KLHL26: variants seen among roughly 807,000 people sequenced by gnomAD.
The protein encoded by KLHL26 is kelch-like protein 26.
KLHL26 carries 4 observed loss-of-function variants against 7.1 expected under a neutral mutation model. That is an observed-to-expected ratio of 0.56 (90% CI 0.28 to 1.28). The LOEUF is 1.28. Ranked by LOEUF, KLHL26 falls within the 50% of genes most tolerant of loss-of-function variation. KLHL26 has a pLI of 0.11. For missense variants in KLHL26, 896 were observed against 924.6 expected (o/e 0.97, Z 0.40); for synonymous variants, 465 against 414.1 (o/e 1.12, Z -1.49).
chr19:18,657,722 G>A (rs1242847157), intron 1 of KLHL26, among the ~76,000 whole-genome samples: 1 of 152,144 alleles, frequency 6.6e-6, no homozygotes, highest in Non-Finnish European at 1.5e-5. Context: ...CCACTCCCAC[G>A]GGAGCCAAGG....
chr19:18,646,345 C>T lies in KLHL26; in HGVS notation c.83+9208C>T, dbSNP rs1976800804. 6.6e-6 allele frequency among the ~76,000 whole-genome samples: 1 copy of T among 152,158 alleles called. No homozygotes were observed. Among genetic ancestry groups the T allele is most frequent in the Admixed American group, 6.5e-5 (1 of 15,282 alleles). On this transcript the variant is annotated intron_variant, in intron 1 of 2. Coordinates refer to ENST00000300976, the MANE Select transcript of KLHL26 (RefSeq NM_018316.3). The surrounding 1 kb of genome is among the most constrained non-coding windows in gnomAD (Gnocchi z 5.0). ...TCATGTTGGCCAGGCTGGTCTCGAA[C>T]TCCTGACCTCAGGTGATCCACCTGC... is the stretch of plus-strand genomic sequence containing the variant.
intron 1 of KLHL26, among the ~76,000 whole-genome samples, chr19:18,643,124 G>A (rs1272155221): frequency 6.6e-6 from 1 of 151,964 alleles, no homozygotes; most frequent in Non-Finnish European, 1.5e-5. Flanking sequence ...GAGCCACTGT[G>A]CCTAGCCCAC....
At chr19:18,643,111 C>T (rs1976744065) in intron 1 of KLHL26, among the ~76,000 whole-genome samples, 1 of 151,640 alleles carries the variant, frequency 6.6e-6, no homozygotes, top group Admixed American at 6.6e-5. Context: ...GGATTACAGG[C>T]GTGAGCCACT....
In KLHL26 at chr19:18,651,000, T is replaced by G. The variant is rs961776774; in HGVS notation, c.84-13261T>G. Among the ~76,000 whole-genome samples, 2 of 151,936 alleles carry G rather than the reference T, an allele frequency of 1.3e-5. No homozygotes were observed. The highest frequency in any genetic ancestry group is 2.9e-5 in the Non-Finnish European group (2 of 67,956). On this transcript the variant is annotated intron_variant, in intron 1 of 2. Transcript: ENST00000300976. The surrounding 1 kb of genome is among the most constrained non-coding windows in gnomAD (Gnocchi z 4.2). ...AGAGGCTCGTCTGGAATGCCGTGGC[T>G]GGATCTGAGCCTCCTGACATCCGAG...
intron 1 of KLHL26, among the ~76,000 whole-genome samples, chr19:18,657,830 G>A (rs1167885163): frequency 1.3e-5 from 2 of 152,214 alleles, no homozygotes; most frequent in Admixed American, 6.5e-5. Flanking sequence ...GAAGCAGGGC[G>A]GCCGGGCCTC....
At position 18,664,253 on chromosome 19, in the gene KLHL26, C is replaced by T. The variant is rs780246472; in HGVS notation, c.84-8C>T. 6.3e-7 allele frequency: 1 copy of T among 1,588,270 alleles called. No homozygotes were observed. The highest frequency in any genetic ancestry group is 1.3e-5 in the African/African-American group (1 of 74,574). Reference sequence around the variant, plus strand: ...TGGGCCATGTCCCCACCTCTGCTTTCCCCGCAGCACGGCCGACAAGAACGG... The same window carrying T: ...TGGGCCATGTCCCCACCTCTGCTTTTCCCGCAGCACGGCCGACAAGAACGG... On this transcript the variant is annotated splice_region_variant and splice_polypyrimidine_tract_variant and intron_variant, in intron 1 of 2. Coordinates refer to ENST00000300976, the MANE Select transcript of KLHL26 (RefSeq NM_018316.3).
At chr19:18,666,249 CGA>C (rs1568463056) in intron 2 of KLHL26, among the ~76,000 whole-genome samples, 1 of 152,072 alleles carries the variant, frequency 6.6e-6, no homozygotes, top group South Asian at 2.1e-4. Flanking sequence ...TGGGCGGCCC[CGA>C]GATAGTGCCC....
intron 1 of KLHL26, among the ~76,000 whole-genome samples, chr19:18,658,650 T>A (rs2052359867): frequency 6.7e-6 from 1 of 149,062 alleles, no homozygotes; most frequent in Non-Finnish European, 1.5e-5. Flanking sequence ...GGTCTCTGTC[T>A]TCCTCTCTCC....
In KLHL26 at chr19:18,643,720, C is replaced by T. The variant is rs545403516; in HGVS notation, c.83+6583C>T. ...CTCGAACTCCTGACCTCAGGTTATC[C>T]GCCCACCTTGGCCTCCTAAAGTGCT... On this transcript the variant is annotated intron_variant, in intron 1 of 2. Transcript: ENST00000300976. Among the ~76,000 whole-genome samples, 38 of 151,990 alleles carry T rather than the reference C, an allele frequency of 2.5e-4. No homozygotes were observed. The South Asian group carries it at 4.4e-3, about 17-fold the overall frequency.
chr19:18,670,356 T>TA lies in KLHL26; in HGVS notation c.*1114dup, dbSNP rs34734897. 6.6e-6 allele frequency: 1 copy of TA among 152,150 alleles called. No homozygotes were observed. The highest frequency in any genetic ancestry group is 1.5e-5 in the Non-Finnish European group (1 of 68,026). The allele number at this position is 152,150 out of a possible 1,614,324, so 9.4% of individuals were successfully genotyped here. Reference sequence around the variant, plus strand: ...TGGGATTTGTACTCTTGGGGCAACTTAAAGTGTCTCTCTCGCTGCTAACAG... The same window carrying TA: ...TGGGATTTGTACTCTTGGGGCAACTTAAAAGTGTCTCTCTCGCTGCTAACAG... On this transcript the variant is annotated 3_prime_UTR_variant, in exon 3 of 3. Coordinates refer to ENST00000300976, the MANE Select transcript of KLHL26 (RefSeq NM_018316.3).
At chr19:18,666,072 A>G (rs2052445136) in intron 2 of KLHL26, among the ~76,000 whole-genome samples, 1 of 152,196 alleles carries the variant, frequency 6.6e-6, no homozygotes, top group South Asian at 2.1e-4. Context: ...TAAAAGGCAA[A>G]GCTCCCTCCT....
Position 18,669,231 on chromosome 19 carries a change from G to GGGACCA in KLHL26, c.1838_1843dup (p.Thr613_Arg614dup), listed in dbSNP as rs1263511752. ...CGCCCCCGTCCTGCTGCCCCGGGCC[G>GGGACCA]GGACCAGGAGGTAGCCCCCAAGACC... On this transcript the variant is annotated inframe_insertion, in exon 3 of 3. Transcript: ENST00000300976. 1 of 1,609,322 alleles carries GGGACCA rather than the reference G, an allele frequency of 6.2e-7. No homozygotes were observed. The highest frequency in any genetic ancestry group is 8.5e-7 in the Non-Finnish European group (1 of 1,179,576).
intron 1 of KLHL26, among the ~76,000 whole-genome samples, chr19:18,639,534 C>T (rs1397722907): frequency 2.0e-5 from 3 of 150,344 alleles, no homozygotes; most frequent in African/African-American, 7.4e-5. Context: ...CTCAGCCTCC[C>T]GAGTAGCTGA....
At chr19:18,639,431 A>ATTT (rs1976675329) in intron 1 of KLHL26, among the ~76,000 whole-genome samples, 1 of 44,248 alleles carries the variant, frequency 2.3e-5, no homozygotes, top group Non-Finnish European at 4.4e-5. Flanking sequence ...TTTTTTTTTG[A>ATTT]GATAGAGTTA....
At position 18,671,139 on chromosome 19, in the gene KLHL26, G is replaced by A. The variant is rs1431229745; in HGVS notation, c.*1894G>A. On this transcript the variant is annotated 3_prime_UTR_variant, in exon 3 of 3. Coordinates refer to ENST00000300976, the MANE Select transcript of KLHL26 (RefSeq NM_018316.3). The stretch of plus-strand genomic sequence containing the variant: ...TTAGCAGAGAAAGCCTGATGTTCCC[G>A]GACGGCCTTCCCAGAAGGGAGGCCC... 6.6e-6 allele frequency: 1 copy of A among 152,206 alleles called. No homozygotes were observed. The highest frequency in any genetic ancestry group is 1.5e-5 in the Non-Finnish European group (1 of 68,048). 9.4% of individuals were successfully genotyped at this position (152,206 alleles called of 1,614,324 possible).
At chr19:18,637,279 C>G (rs1976636429) in intron 1 of KLHL26, 142 bp downstream of exon 1, 6 of 888,912 alleles carry the variant, frequency 6.7e-6, no homozygotes, top group Non-Finnish European at 8.8e-6. Flanking sequence ...TTTACGGGGC[C>G]GTGGGGTACT....
chr19:18,668,423 C>T lies in KLHL26; in HGVS notation c.1026C>T (p.Arg342=), dbSNP rs549876206. 3.7e-4 allele frequency: 604 copies of T among 1,611,252 alleles called. 2 individuals are homozygous for T. Among genetic ancestry groups the T allele is most frequent in the Admixed American group, 4.5e-4 (27 of 59,968 alleles). Reference sequence around the variant, plus strand: ...CTGAGCCGGGAGCCCGCCACTTCCGCGAGCTCACGGAGATGGAGGTAGGCT... The same window carrying T: ...CTGAGCCGGGAGCCCGCCACTTCCGTGAGCTCACGGAGATGGAGGTAGGCT... ...QLPEPGARHF[R]ELTEMEVGCS... Residue 342 remains arginine (R), a synonymous_variant, in exon 3 of 3, where the codon CGC becomes CGT. Coordinates refer to ENST00000300976, the MANE Select transcript of KLHL26 (RefSeq NM_018316.3).
At chr19:18,665,777 G>T (rs528903012) in intron 2 of KLHL26, among the ~76,000 whole-genome samples, 1 of 152,312 alleles carries the variant, frequency 6.6e-6, no homozygotes, top group East Asian at 1.9e-4. Context: ...TGGGTGACCA[G>T]CAGGTGAGCC....
At position 18,667,805 on chromosome 19, in the gene KLHL26, G is replaced by A. The variant is rs2052467286; in HGVS notation, c.408G>A (p.Val136=). The A allele has an allele frequency of 6.2e-7, 1 of 1,613,368 alleles. No individual in the cohort carries two copies. Among genetic ancestry groups the A allele is most frequent in the Non-Finnish European group, 8.5e-7 (1 of 1,179,990 alleles). Residue 136 remains valine, a synonymous_variant, in exon 3 of 3, where the codon GTG becomes GTA. Coordinates refer to ENST00000300976, the MANE Select transcript of KLHL26 (RefSeq NM_018316.3). The stretch of plus-strand genomic sequence containing the variant: ...TGGACCTGGACTGCGTGCAGGACGT[G>A]CTGGGCGCGGCCGTGTTCTTGCAGA... ...VTLDLDCVQD[V]LGAAVFLQML... is the part of the protein sequence containing the mutation.
Sources: allele counts gnomAD v4.1 joint callset (sites outside exome capture counted in the v4.1 genomes callset), GRCh38; gene constraint gnomAD v4.1.1; non-coding constraint Gnocchi (gnomAD v3.1); transcripts MANE v1.5; gene names NCBI Gene and HGNC (gene_info 2026-07-23, HGNC 2026-07-21).